Variants in PACS1 observed in about 807,000 individuals in gnomAD.
The protein encoded by PACS1 is phosphofurin acidic cluster sorting protein 1, also known as PACS-1.
PACS1 carries 24 observed loss-of-function variants against 115.0 expected under a neutral mutation model. That is an observed-to-expected ratio of 0.21 (90% CI 0.15 to 0.29). The LOEUF (loss-of-function observed/expected upper bound fraction) is 0.29. PACS1 is among the 10% of genes least tolerant of loss of function. The pLI is 1.00. For missense variants in PACS1, 838 were observed against 1,251.2 expected (o/e 0.67, Z 4.98); for synonymous variants, 453 against 504.5 (o/e 0.90, Z 1.37).
At chr11:66,221,897 C>T (rs1855359198) in intron 10 of PACS1, among the ~76,000 whole-genome samples, 1 of 152,182 alleles carries the variant, frequency 6.6e-6, no homozygotes, top group African/African-American at 2.4e-5. Flanking sequence ...GGGTGGATCA[C>T]TTGAGCCTAG....
chr11:66,139,440 C>CT (rs894847442), intron 1 of PACS1, among the ~76,000 whole-genome samples: 41 of 149,664 alleles, frequency 2.7e-4, no homozygotes, highest in East Asian at 1.6e-3. Flanking sequence ...TGCTTTGTAA[C>CT]TTTTTTTTTT....
At position 66,233,083 on chromosome 11, in the gene PACS1, C is replaced by T; in HGVS notation, c.1838+17C>T. The T allele has an allele frequency of 6.4e-7, 1 of 1,559,148 alleles. No individual in the cohort carries two copies. Among genetic ancestry groups the T allele is most frequent in the Non-Finnish European group, 8.8e-7 (1 of 1,137,484 alleles). On this transcript the variant is annotated intron_variant, in intron 15 of 23. Coordinates refer to ENST00000320580, the MANE Select transcript of PACS1 (RefSeq NM_018026.4). This position sits in a 1 kb window ranked among gnomAD's most constrained non-coding sequence, Gnocchi z 4.5. ...CCAGCGCTAGTAAGGGCTCTGGCCT[C>T]CCTTCTCCTGCCCTTAGAGATTCCC...
At chr11:66,138,907 T>C (rs1858911470) in intron 1 of PACS1, among the ~76,000 whole-genome samples, 2 of 151,938 alleles carry the variant, frequency 1.3e-5, no homozygotes, top group African/African-American at 4.8e-5. Flanking sequence ...GGTCTCGATA[T>C]CTTGACCTCA....
chr11:66,210,118 A>C (rs1855036602), intron 2 of PACS1, among the ~76,000 whole-genome samples: 1 of 150,514 alleles, frequency 6.6e-6, no homozygotes, highest in African/African-American at 2.4e-5. Flanking sequence ...GCAGGCTTGA[A>C]CTCCTGGGCT....
intron 1 of PACS1, among the ~76,000 whole-genome samples, chr11:66,111,190 G>T (rs1858179428): frequency 6.6e-6 from 1 of 152,126 alleles, no homozygotes; most frequent in Non-Finnish European, 1.5e-5. Context: ...TAACACAGTG[G>T]TATTTGTGGA....
intron 1 of PACS1, among the ~76,000 whole-genome samples, chr11:66,098,336 A>G (rs1276014274): frequency 6.6e-6 from 1 of 151,936 alleles, no homozygotes; most frequent in Non-Finnish European, 1.5e-5. Flanking sequence ...TGTGTATCTG[A>G]TAGAGTTTTC....
chr11:66,212,187 A>G (rs1855087511), intron 4 of PACS1, among the ~76,000 whole-genome samples: 1 of 150,426 alleles, frequency 6.6e-6, no homozygotes, highest in Non-Finnish European at 1.5e-5. Context: ...GCTGGAGTGC[A>G]GTGGCATGAT....
At chr11:66,088,925 C>T (rs1480788313) in intron 1 of PACS1, among the ~76,000 whole-genome samples, 1 of 152,100 alleles carries the variant, frequency 6.6e-6, no homozygotes, top group East Asian at 1.9e-4. Context: ...CATATTTTAG[C>T]ATATAAGTAT....
At chr11:66,194,416 C>T (rs1854602489) in intron 2 of PACS1, among the ~76,000 whole-genome samples, 1 of 152,188 alleles carries the variant, frequency 6.6e-6, no homozygotes, top group African/African-American at 2.4e-5. Context: ...AAATATTTCA[C>T]AAACATTTGT....
At chr11:66,124,675 CTG>C (rs1054693205) in intron 1 of PACS1, among the ~76,000 whole-genome samples, 9 of 152,238 alleles carry the variant, frequency 5.9e-5, no homozygotes, top group African/African-American at 1.9e-4. Flanking sequence ...CCTTTCATTA[CTG>C]CATAAGTCTC....
intron 4 of PACS1, among the ~76,000 whole-genome samples, chr11:66,214,495 C>T (rs971927210): frequency 1.3e-5 from 2 of 151,930 alleles, no homozygotes; most frequent in African/African-American, 4.8e-5. Flanking sequence ...TTCCTTCCTT[C>T]CTTCCTTCCT....
intron 1 of PACS1, among the ~76,000 whole-genome samples, chr11:66,123,169 A>G (rs1393345786): frequency 6.8e-6 from 1 of 147,970 alleles, no homozygotes; most frequent in Non-Finnish European, 1.5e-5. Context: ...CAACTTGCAG[A>G]GGGCTCAGAA....
At chr11:66,149,374 G>A (rs1859189059) in intron 1 of PACS1, among the ~76,000 whole-genome samples, 1 of 152,022 alleles carries the variant, frequency 6.6e-6, no homozygotes, top group South Asian at 2.1e-4. Flanking sequence ...TTACAGGTGT[G>A]AGCCACCATC....
chr11:66,233,926 C>T lies in PACS1; in HGVS notation c.1980C>T (p.Leu660=). Residue 660 remains leucine, a synonymous_variant, in exon 16 of 24, where the codon CTC becomes CTT. Coordinates refer to ENST00000320580, the MANE Select transcript of PACS1 (RefSeq NM_018026.4). The surrounding 1 kb of genome is among the most constrained non-coding windows in gnomAD (Gnocchi z 4.5). The part of the protein sequence containing the change: ...TSDWLGYMRF[L]IIPLGSHPVA... ...ACTGGCTTGGCTACATGCGCTTCCT[C>T]ATCATCCCCCTCGGTAAAGACGGGA... is the stretch of plus-strand genomic sequence containing the variant. 1 of 1,575,606 alleles carries T rather than the reference C, an allele frequency of 6.3e-7. No homozygotes were observed. The highest frequency in any genetic ancestry group is 1.2e-5 in the South Asian group (1 of 85,154).
At chr11:66,150,024 C>T (rs1859202629) in intron 1 of PACS1, among the ~76,000 whole-genome samples, 2 of 152,174 alleles carry the variant, frequency 1.3e-5, no homozygotes, top group Non-Finnish European at 2.9e-5. Context: ...GCTGGGATTA[C>T]AGGCTTGAGC....
At chr11:66,072,543 T>G (rs1169024253) in intron 1 of PACS1, among the ~76,000 whole-genome samples, 1 of 152,172 alleles carries the variant, frequency 6.6e-6, no homozygotes, top group African/African-American at 2.4e-5. Flanking sequence ...TCTCTGTCCT[T>G]TCTCTAGGGA....
intron 1 of PACS1, among the ~76,000 whole-genome samples, chr11:66,092,842 G>A (rs1857692398): frequency 6.6e-6 from 1 of 152,128 alleles, no homozygotes; most frequent in South Asian, 2.1e-4. Flanking sequence ...TAGATATGCG[G>A]CGTTATTTCT....
chr11:66,243,395 C>A lies in PACS1; in HGVS notation c.*115C>A. 1 of 703,836 alleles carries A rather than the reference C, an allele frequency of 1.4e-6. No individual in the cohort carries two copies. Among genetic ancestry groups the A allele is most frequent in the Non-Finnish European group, 2.4e-6 (1 of 412,186 alleles). 43.6% of individuals were successfully genotyped at this position (703,836 alleles called of 1,614,324 possible). On this transcript the variant is annotated 3_prime_UTR_variant, in exon 24 of 24. Coordinates refer to ENST00000320580, the MANE Select transcript of PACS1 (RefSeq NM_018026.4). ...ACCCCTTCCCTGGCACCAGGGTCTGCCTCTCACTCGCCCAGGTCCCGAAGG... is the reference window on the plus strand; with the variant it reads ...ACCCCTTCCCTGGCACCAGGGTCTGACTCTCACTCGCCCAGGTCCCGAAGG...
At chr11:66,216,438 G>C in intron 5 of PACS1, 82 bp from the exon 6 acceptor site, 1 of 1,451,856 alleles carries the variant, frequency 6.9e-7, no homozygotes, top group Non-Finnish European at 9.7e-7. Context: ...CACCCAAAGA[G>C]AACCATTGAT....
Sources: allele counts gnomAD v4.1 joint callset (sites outside exome capture counted in the v4.1 genomes callset), GRCh38; gene constraint gnomAD v4.1.1; non-coding constraint Gnocchi (gnomAD v3.1); transcripts MANE v1.5; gene names NCBI Gene and HGNC (gene_info 2026-07-23, HGNC 2026-07-21).